PIGN: variants seen among roughly 807,000 people sequenced by gnomAD.
The protein encoded by PIGN is phosphatidylinositol glycan anchor biosynthesis class N.
In PIGN, 117 loss-of-function variants were observed where a neutral mutation model predicts 125.4. The ratio of observed to expected loss-of-function variants is 0.93; its 90% CI spans 0.80 to 1.09. PIGN has a LOEUF of 1.09. Among genes scored for constraint, PIGN ranks in the 50% least tolerant of loss-of-function variants. PIGN has a pLI of 0.00. For synonymous variants in PIGN, 392 were observed against 377.8 expected (o/e 1.04, Z -0.44); for missense variants, 1,075 against 1,094.9 (o/e 0.98, Z 0.26).
chr18:62,124,913 C>T (rs1025497885), intron 14 of PIGN, among the ~76,000 whole-genome samples: 31 of 151,556 alleles, frequency 2.0e-4, no homozygotes, highest in South Asian at 6.2e-4. Context: ...ATATTTTTCT[C>T]GTCAAAAAAC....
intron 1 of PIGN, among the ~76,000 whole-genome samples, chr18:62,180,452 A>G (rs1207402004): frequency 1.3e-5 from 2 of 152,210 alleles, no homozygotes; most frequent in Non-Finnish European, 2.9e-5. Context: ...ATACTAATTT[A>G]CATACTCTCC....
rs115052876 is a variant in PIGN at position 62,074,733 on chromosome 18, C to A, written c.2619+46G>T. The A allele has an allele frequency of 1.1e-3, 1,356 of 1,240,174 alleles. 13 individuals are homozygous for A. In the African/African-American group the frequency reaches 0.018, roughly 17 times the overall value. 76.8% of individuals were successfully genotyped at this position (1,240,174 alleles called of 1,614,324 possible). A position where few individuals can be genotyped will look rare whatever the true frequency, so the allele number is the denominator to read the frequency against. On this transcript the variant is annotated intron_variant, in intron 29 of 30. Coordinates refer to ENST00000640252, the MANE Select transcript of PIGN (RefSeq NM_176787.5). ...CATATTTCTCTTTATTAAATTAACC[C>A]AGGACTCTTAATCTAATTTATATGG...
At chr18:62,108,481 C>T (rs937967859) in intron 17 of PIGN, among the ~76,000 whole-genome samples, 2 of 152,028 alleles carry the variant, frequency 1.3e-5, no homozygotes, top group African/African-American at 4.8e-5. Context: ...ATGCAACAAC[C>T]CTATTCCTTT....
At chr18:62,086,830 G>A (rs2033729496) in intron 25 of PIGN, among the ~76,000 whole-genome samples, 2 of 152,128 alleles carry the variant, frequency 1.3e-5, no homozygotes, top group African/African-American at 4.8e-5. Context: ...CAGTGGGAAT[G>A]AAGATCTAGA....
At chr18:62,115,522 C>A (rs1463329330) in intron 14 of PIGN, among the ~76,000 whole-genome samples, 2 of 152,056 alleles carry the variant, frequency 1.3e-5, no homozygotes, top group Non-Finnish European at 2.9e-5. Flanking sequence ...AGGCCAAAAA[C>A]TACTAAATTA....
At chr18:62,037,433 G>T (rs1376920105), downstream of PIGN, among the ~76,000 whole-genome samples, 1 of 152,246 alleles carries the variant, frequency 6.6e-6, no homozygotes, top group East Asian at 1.9e-4. Flanking sequence ...CCCTCAGTGG[G>T]CATGGGTGGA....
At chr18:62,144,893 G>C (rs980906561) in intron 10 of PIGN, among the ~76,000 whole-genome samples, 1 of 151,978 alleles carries the variant, frequency 6.6e-6, no homozygotes, top group Non-Finnish European at 1.5e-5. Flanking sequence ...TTGAGCCCAG[G>C]AGTTCCAGGC....
At chr18:62,047,868 G>A (rs1228055202) in intron 30 of PIGN, among the ~76,000 whole-genome samples, 1 of 152,080 alleles carries the variant, frequency 6.6e-6, no homozygotes, top group Non-Finnish European at 1.5e-5. Context: ...AAATAACAGA[G>A]CTGTTAGAAT....
intron 1 of PIGN, among the ~76,000 whole-genome samples, chr18:62,167,188 GCTCTCTCT>G (rs148196927): frequency 1.4e-5 from 2 of 147,804 alleles, no homozygotes; most frequent in East Asian, 2.0e-4. Flanking sequence ...GAGCAGGAGC[GCTCTCTCT>G]CTCTCTCTCT....
chr18:62,158,227 AT>A (rs1172914717), intron 4 of PIGN, among the ~76,000 whole-genome samples: 1 of 152,198 alleles, frequency 6.6e-6, no homozygotes, highest in East Asian at 1.9e-4. Flanking sequence ...TTGCTTTCGA[AT>A]TGTTAAGGAA....
chr18:62,068,650 C>T (rs1456633121), intron 30 of PIGN, among the ~76,000 whole-genome samples: 2 of 152,252 alleles, frequency 1.3e-5, no homozygotes, highest in East Asian at 3.9e-4. Flanking sequence ...TTTTCACTTA[C>T]ACTCTGTCAT....
At chr18:62,061,868 T>G (rs970273931) in intron 30 of PIGN, among the ~76,000 whole-genome samples, 2 of 152,196 alleles carry the variant, frequency 1.3e-5, no homozygotes, top group Admixed American at 6.5e-5. Context: ...AGTTTTGACA[T>G]GTGAACCCTA....
In PIGN at chr18:62,101,172, T is replaced by A; in HGVS notation, c.1980A>T (p.Thr660=). The change falls in exon 22 of 31, where the codon ACA becomes ACT. Residue 660 remains threonine, a synonymous_variant. Coordinates refer to ENST00000640252, the MANE Select transcript of PIGN (RefSeq NM_176787.5). The part of the protein sequence containing the change: ...LLVHLLQVLS[T]VLSMYVVYST... The stretch of plus-strand genomic sequence containing the variant: ...TATACACAACATACATGGAGAGCAC[T>A]GTGCTCAGCACCTAAAGACAAAGAT... 6.3e-7 allele frequency: 1 copy of A among 1,594,174 alleles called. No individual in the cohort carries two copies.
chr18:62,034,303 C>G (rs2030230608), intron 23 of PIGN, among the ~76,000 whole-genome samples: 1 of 152,166 alleles, frequency 6.6e-6, no homozygotes, highest in Non-Finnish European at 1.5e-5. Context: ...TCCTTGAACT[C>G]CTGGACTTAA....
In PIGN at chr18:62,095,955, A is replaced by C; in HGVS notation, c.2078-5T>G. The C allele has an allele frequency of 6.3e-7, 1 of 1,576,998 alleles. No homozygotes were observed. The highest frequency in any genetic ancestry group is 8.7e-7 in the Non-Finnish European group (1 of 1,146,598). On this transcript the variant is annotated splice_region_variant and splice_polypyrimidine_tract_variant and intron_variant, in intron 22 of 30. Coordinates refer to ENST00000640252, the MANE Select transcript of PIGN (RefSeq NM_176787.5). ...GTGGCACAACCAAGGAAGAGGCTGC[A>C]ATGAAACAGAACAGGTCATCTGTCA...
intron 30 of PIGN, among the ~76,000 whole-genome samples, chr18:62,059,368 T>C (rs1326490234): frequency 1.3e-5 from 2 of 151,856 alleles, no homozygotes; most frequent in East Asian, 3.9e-4. Flanking sequence ...GGGAGCTAGG[T>C]AGATTAAAAG....
intron 30 of PIGN, among the ~76,000 whole-genome samples, chr18:62,056,266 C>G (rs926476261): frequency 1.4e-4 from 22 of 151,728 alleles, no homozygotes; most frequent in African/African-American, 5.1e-4. Flanking sequence ...GCATTAGAAT[C>G]AACAGGACAA....
At chr18:62,089,432 T>G (rs907230751) in intron 24 of PIGN, among the ~76,000 whole-genome samples, 2 of 152,150 alleles carry the variant, frequency 1.3e-5, no homozygotes, top group Admixed American at 1.3e-4. Context: ...CTTTCCCCAC[T>G]CCTACTTCCC....
chr18:62,060,583 G>C (rs1181705178), intron 30 of PIGN, among the ~76,000 whole-genome samples: 3 of 152,248 alleles, frequency 2.0e-5, no homozygotes, highest in South Asian at 2.1e-4. Flanking sequence ...AGAATCATGA[G>C]TTCTCTCTTT....
Sources: gnomAD v4.1 joint callset for allele counts (sites outside exome capture counted in the v4.1 genomes callset) on GRCh38, gnomAD v4.1.1 for gene constraint, MANE v1.5 for transcripts, NCBI Gene and HGNC (gene_info 2026-07-23, HGNC 2026-07-21) for gene names.